CLMN: variants seen among roughly 807,000 people sequenced by gnomAD.
CLMN encodes calmin.
A neutral mutation model predicts 92.7 loss-of-function variants in CLMN; 57 were observed. The ratio of observed to expected loss-of-function variants is 0.61; its 90% confidence interval spans 0.50 to 0.77. The LOEUF (loss-of-function observed/expected upper bound fraction) is 0.77, where lower values mean the gene tolerates loss of function less well. Among genes scored for constraint, CLMN ranks in the 30% least tolerant of loss-of-function variants. The pLI is 0.00. For synonymous variants in CLMN, 466 were observed against 470.6 expected (o/e 0.99, Z 0.13); for missense variants, 1,158 against 1,237.5 (o/e 0.94, Z 0.96).
In CLMN at chr14:95,223,867, A is replaced by T; in HGVS notation, c.145-12T>A. 1 of 1,590,434 alleles carries T rather than the reference A, an allele frequency of 6.3e-7. No individual in the cohort carries two copies. Among genetic ancestry groups the T allele is most frequent in the Non-Finnish European group, 8.6e-7 (1 of 1,162,424 alleles). On this transcript the variant is annotated splice_polypyrimidine_tract_variant and intron_variant, in intron 2 of 12. Coordinates refer to ENST00000298912, the MANE Select transcript of CLMN (RefSeq NM_024734.4). ...AGAGGTGGGTTGCACTTTGAAAGAGAAGGGAAGAAAGTAGCCAATTAGCAA... is the reference window on the plus strand; with the variant it reads ...AGAGGTGGGTTGCACTTTGAAAGAGTAGGGAAGAAAGTAGCCAATTAGCAA...
At chr14:95,274,617 C>T (rs1899851525) in intron 1 of CLMN, among the ~76,000 whole-genome samples, 1 of 152,154 alleles carries the variant, frequency 6.6e-6, no homozygotes, top group African/African-American at 2.4e-5. Context: ...ATCTCTAAAC[C>T]CTGTGTGGCT....
chr14:95,277,941 C>T (rs1388743815), intron 1 of CLMN, among the ~76,000 whole-genome samples: 3 of 152,180 alleles, frequency 2.0e-5, no homozygotes, highest in South Asian at 2.1e-4. Context: ...TTTGTCTATT[C>T]ATGATGGCAG....
chr14:95,312,665 T>C (rs1901593245), intron 1 of CLMN, among the ~76,000 whole-genome samples: 1 of 152,170 alleles, frequency 6.6e-6, no homozygotes. Context: ...ATACTGCTGC[T>C]GGAAAGAAGA....
In CLMN at chr14:95,256,746, G is replaced by T. The variant is rs1899014382; in HGVS notation, c.83-26613C>A. Among the ~76,000 whole-genome samples the T allele has an allele frequency of 6.6e-6, 1 of 152,214 alleles. No individual in the cohort carries two copies. ...GATGGGAGAGAAATTGCCAAATGTA[G>T]GGCCCTGGTCCACATTGCACCGGGA... On this transcript the variant is annotated intron_variant, in intron 1 of 12. Coordinates refer to ENST00000298912, the MANE Select transcript of CLMN (RefSeq NM_024734.4). This position sits in a 1 kb window ranked among gnomAD's most constrained non-coding sequence, Gnocchi z 4.9.
At position 95,230,104 on chromosome 14, in the gene CLMN, A is replaced by AG; in HGVS notation, c.111dup (p.Phe38LeufsTer19). Reference sequence around the variant, plus strand: ...AGATGTAGATTTATCCATCGTGTAAAGGTCCTCTTCTGCACATTTTCCCTC... The same window carrying AG: ...AGATGTAGATTTATCCATCGTGTAAAGGGTCCTCTTCTGCACATTTTCCCTC... On this transcript the variant is annotated frameshift_variant, in exon 2 of 13. Transcript: ENST00000298912. LOFTEE classifies it high-confidence loss of function. The AG allele has an allele frequency of 6.2e-7, 1 of 1,614,226 alleles. No individual in the cohort carries two copies. Among genetic ancestry groups the AG allele is most frequent in the Non-Finnish European group, 8.5e-7 (1 of 1,180,040 alleles).
At chr14:95,302,398 T>C (rs889173159) in intron 1 of CLMN, among the ~76,000 whole-genome samples, 1 of 152,140 alleles carries the variant, frequency 6.6e-6, no homozygotes, top group Non-Finnish European at 1.5e-5. Flanking sequence ...CTAGTCCTGA[T>C]GAACTGAAAT....
At chr14:95,210,057 A>AT (rs5810717) in intron 7 of CLMN, among the ~76,000 whole-genome samples, 8,961 of 147,662 alleles carry the variant, frequency 0.061, 310 homozygotes, top group South Asian at 0.14. Flanking sequence ...AGCTAAGTAC[A>AT]TTTTTTTTTT....
At chr14:95,211,379 A>C (rs918411484) in intron 6 of CLMN, among the ~76,000 whole-genome samples, 6 of 152,326 alleles carry the variant, frequency 3.9e-5, no homozygotes, top group East Asian at 1.9e-4. Context: ...AGAACGGCCA[A>C]GTCATAGGGT....
At chr14:95,235,161 T>A (rs912622497) in intron 1 of CLMN, among the ~76,000 whole-genome samples, 1 of 152,206 alleles carries the variant, frequency 6.6e-6, no homozygotes, top group African/African-American at 2.4e-5. Context: ...TGTACTCATG[T>A]ATACAATTTA....
chr14:95,227,422 C>A (rs866887005), intron 2 of CLMN, among the ~76,000 whole-genome samples: 1 of 152,136 alleles, frequency 6.6e-6, no homozygotes, highest in Non-Finnish European at 1.5e-5. Flanking sequence ...CTGAGCATGA[C>A]GGGATCAGGT....
At chr14:95,302,835 A>G (rs550654189) in intron 1 of CLMN, among the ~76,000 whole-genome samples, 2 of 152,308 alleles carry the variant, frequency 1.3e-5, no homozygotes, top group South Asian at 4.2e-4. Flanking sequence ...TAAAATTCAA[A>G]TCTGGGCCTG....
intron 1 of CLMN, among the ~76,000 whole-genome samples, chr14:95,257,908 C>T (rs1195344516): frequency 6.6e-6 from 1 of 152,200 alleles, no homozygotes; most frequent in Non-Finnish European, 1.5e-5. Context: ...TAGAGAAAGT[C>T]GGTCCAGACA....
chr14:95,311,355 C>A (rs938809966), intron 1 of CLMN, among the ~76,000 whole-genome samples: 1 of 152,056 alleles, frequency 6.6e-6, no homozygotes, highest in African/African-American at 2.4e-5. Context: ...GGAGAACCCC[C>A]CAGGAGAGGA....
At chr14:95,301,075 T>C (rs1159894766) in intron 1 of CLMN, among the ~76,000 whole-genome samples, 1 of 152,268 alleles carries the variant, frequency 6.6e-6, no homozygotes, top group Admixed American at 6.5e-5. Context: ...CATGCACTAT[T>C]GTGTCACTTT....
intron 1 of CLMN, among the ~76,000 whole-genome samples, chr14:95,275,008 C>T (rs1250163775): frequency 6.6e-6 from 1 of 150,756 alleles, no homozygotes; most frequent in Non-Finnish European, 1.5e-5. Context: ...GTCACTCATT[C>T]CTTCAACAAA....
chr14:95,234,878 A>G lies in CLMN; in HGVS notation c.83-4745T>C, dbSNP rs148696233. Reference sequence around the variant, plus strand: ...AGGGATGCACGCATTAGGAGTTAAAATGTTTATTTACAGTTGTGGCTTTTT... The same window carrying G: ...AGGGATGCACGCATTAGGAGTTAAAGTGTTTATTTACAGTTGTGGCTTTTT... On this transcript the variant is annotated intron_variant, in intron 1 of 12. Transcript: ENST00000298912. Among the ~76,000 whole-genome samples the G allele has an allele frequency of 6.2e-3, 938 of 152,366 alleles. 10 individuals are homozygous for G. Among genetic ancestry groups the G allele is most frequent in the African/African-American group, 0.019 (781 of 41,592 alleles).
intron 1 of CLMN, among the ~76,000 whole-genome samples, chr14:95,231,841 A>G (rs957146105): frequency 3.9e-5 from 6 of 152,318 alleles, no homozygotes; most frequent in East Asian, 3.9e-4. Flanking sequence ...TTTTAAAAAA[A>G]AGTACCAAGC....
intron 9 of CLMN, among the ~76,000 whole-genome samples, chr14:95,198,256 G>C (rs1279806922): frequency 1.3e-5 from 2 of 151,626 alleles, no homozygotes; most frequent in African/African-American, 4.8e-5. Context: ...CTCCATGTTG[G>C]CCAGGCTGGT....
At chr14:95,239,916 C>T (rs1289432178) in intron 1 of CLMN, among the ~76,000 whole-genome samples, 2 of 152,232 alleles carry the variant, frequency 1.3e-5, no homozygotes, top group African/African-American at 4.8e-5. Flanking sequence ...CTGTCTTATA[C>T]AGGTATACCA....
Sources: gnomAD v4.1 joint callset for allele counts (sites outside exome capture counted in the v4.1 genomes callset) on GRCh38, gnomAD v4.1.1 for gene constraint, Gnocchi (gnomAD v3.1) non-coding constraint, MANE v1.5 for transcripts, NCBI Gene and HGNC (gene_info 2026-07-23, HGNC 2026-07-21) for gene names.